The following LRP1B variants were observed in gnomAD, a reference collection of about 807,000 sequenced individuals.
The protein encoded by LRP1B is low-density lipoprotein receptor-related protein 1B.
A neutral mutation model predicts 556.6 loss-of-function variants in LRP1B; 217 were observed. The observed-to-expected ratio is 0.39, with a 90% CI of 0.35 to 0.44. The LOEUF (loss-of-function observed/expected upper bound fraction) is 0.44. LRP1B is among the 20% of genes least tolerant of loss of function. The pLI, the probability that LRP1B is intolerant of heterozygous loss-of-function variation, is 1.00. For missense variants in LRP1B, 5,053 were observed against 5,620.8 expected (o/e 0.90, Z 3.23); for synonymous variants, 2,047 against 1,865.8 (o/e 1.10, Z -2.50).
chr2:140,919,666 C>T (rs894947744), intron 21 of LRP1B, among the ~76,000 whole-genome samples: 9 of 152,166 alleles, frequency 5.9e-5, no homozygotes, highest in South Asian at 2.1e-4. Flanking sequence ...GCTCAGCACA[C>T]CACTTGATAC....
chr2:140,863,492 A>G (rs1692859382), intron 27 of LRP1B, among the ~76,000 whole-genome samples: 1 of 152,162 alleles, frequency 6.6e-6, no homozygotes, highest in Admixed American at 6.6e-5. Flanking sequence ...ACTTATGTTT[A>G]ACATCATTGG....
intron 2 of LRP1B, among the ~76,000 whole-genome samples, chr2:141,715,478 A>G (rs935304696): frequency 1.6e-4 from 25 of 152,098 alleles, no homozygotes; most frequent in African/African-American, 5.5e-4. Flanking sequence ...CTCAAAATAA[A>G]TATATTAATA....
At chr2:141,220,189 C>T (rs1682978376) in intron 6 of LRP1B, among the ~76,000 whole-genome samples, 1 of 152,110 alleles carries the variant, frequency 6.6e-6, no homozygotes, top group Admixed American at 6.5e-5. Flanking sequence ...TAAAACATTA[C>T]AGGAGATGTT....
intron 77 of LRP1B, among the ~76,000 whole-genome samples, 157 bp from the exon 78 acceptor site, chr2:140,335,995 C>A (rs1047419513): frequency 2.6e-5 from 4 of 151,992 alleles, no homozygotes; most frequent in African/African-American, 9.7e-5. Context: ...TATTTTCAAT[C>A]TTTGCAGATG....
chr2:141,544,076 T>C (rs1343319675), intron 2 of LRP1B, among the ~76,000 whole-genome samples: 1 of 152,150 alleles, frequency 6.6e-6, no homozygotes, highest in Admixed American at 6.5e-5. Context: ...TGTTAATTTT[T>C]TCGTGGTCTT....
chr2:141,058,737 T>G (rs899890317), intron 9 of LRP1B, 146 bp downstream of exon 9: 1 of 504,184 alleles, frequency 2.0e-6, no homozygotes. Context: ...GGGAGCTCTA[T>G]TCCATTTAAC....
At chr2:141,475,614 C>A (rs1682673035) in intron 3 of LRP1B, among the ~76,000 whole-genome samples, 1 of 151,996 alleles carries the variant, frequency 6.6e-6, no homozygotes, top group East Asian at 1.9e-4. Context: ...CCTGCCACAC[C>A]CCCCTATCCT....
chr2:141,669,907 A>T (rs1690598439), intron 2 of LRP1B, among the ~76,000 whole-genome samples: 2 of 151,896 alleles, frequency 1.3e-5, no homozygotes, highest in Non-Finnish European at 2.9e-5. Context: ...GGCACGTGCC[A>T]CCATGCCTGG....
At chr2:141,534,018 T>TAC (rs1684982347) in intron 2 of LRP1B, among the ~76,000 whole-genome samples, 1 of 150,074 alleles carries the variant, frequency 6.7e-6, no homozygotes, top group African/African-American at 2.4e-5. Flanking sequence ...CTCTCTCTCA[T>TAC]ACACACACGA....
rs149563521 is a variant in LRP1B at position 140,443,646 on chromosome 2, G to A, written c.10294+684C>T. ...GCTCCATTAGTCACATAATCTGCAT[G>A]TGTGAGCATGCGTGCAAGCATGTGC... On this transcript the variant is annotated intron_variant, in intron 65 of 90. Coordinates refer to ENST00000389484, the MANE Select transcript of LRP1B (RefSeq NM_018557.3). Among the ~76,000 whole-genome samples the A allele has an allele frequency of 2.6e-4, 40 of 152,324 alleles. 1 individual carries two copies. The highest frequency in any genetic ancestry group is 6.8e-3 in the Middle Eastern group (2 of 294).
chr2:141,284,246 G>GGAATAAAA (rs1685619912), intron 3 of LRP1B, among the ~76,000 whole-genome samples: 2 of 150,418 alleles, frequency 1.3e-5, no homozygotes, highest in African/African-American at 5.0e-5. Flanking sequence ...AAAGAATAAA[G>GGAATAAAA]GAATAAAGGA....
In LRP1B at chr2:141,824,276, C is replaced by G. The variant is rs182563546; in HGVS notation, c.83-13875G>C. Among the ~76,000 whole-genome samples, 250 of 152,224 alleles carry G rather than the reference C, an allele frequency of 1.6e-3. 2 individuals are homozygous for G. The highest frequency in any genetic ancestry group is 3.4e-3 in the Middle Eastern group (1 of 294). ...TTTGCATCTAACAAATCAGGTAAAA[C>G]TGTTTAGAGAGTTAAATGACTTTTT... On this transcript the variant is annotated intron_variant, in intron 1 of 90. Coordinates refer to ENST00000389484, the MANE Select transcript of LRP1B (RefSeq NM_018557.3).
intron 2 of LRP1B, among the ~76,000 whole-genome samples, chr2:141,579,137 T>C (rs1473024213): frequency 1.3e-5 from 2 of 152,200 alleles, no homozygotes; most frequent in Non-Finnish European, 2.9e-5. Context: ...TGCCAATTTA[T>C]TTACTCTTCT....
At chr2:141,500,310 A>C (rs928512024) in intron 2 of LRP1B, among the ~76,000 whole-genome samples, 2 of 152,132 alleles carry the variant, frequency 1.3e-5, no homozygotes, top group Non-Finnish European at 2.9e-5. Flanking sequence ...AATGATATGT[A>C]AGCTCTCAAA....
intron 41 of LRP1B, among the ~76,000 whole-genome samples, chr2:140,626,812 C>T (rs1683680633): frequency 6.6e-6 from 1 of 151,286 alleles, no homozygotes; most frequent in Non-Finnish European, 1.5e-5. Flanking sequence ...AAAGATCTCC[C>T]ACAAGTCAAT....
intron 1 of LRP1B, among the ~76,000 whole-genome samples, chr2:142,041,037 G>A (rs776887685): frequency 2.6e-5 from 4 of 151,326 alleles, no homozygotes; most frequent in Non-Finnish European, 5.9e-5. Flanking sequence ...TCAGCAATTC[G>A]ATTATCACTT....
At chr2:141,332,475 A>G (rs1687689429) in intron 3 of LRP1B, among the ~76,000 whole-genome samples, 2 of 150,718 alleles carry the variant, frequency 1.3e-5, no homozygotes, top group South Asian at 4.2e-4. Flanking sequence ...TGAATTTTAT[A>G]TGCATCATCT....
At chr2:140,472,641 A>C (rs1687817861) in intron 60 of LRP1B, among the ~76,000 whole-genome samples, 1 of 152,062 alleles carries the variant, frequency 6.6e-6, no homozygotes, top group African/African-American at 2.4e-5. Context: ...CTGAACTTTA[A>C]GTCACAGAAT....
chr2:141,350,310 A>C (rs1211430650), intron 3 of LRP1B, among the ~76,000 whole-genome samples: 44 of 152,182 alleles, frequency 2.9e-4, no homozygotes, highest in African/African-American at 9.9e-4. Context: ...GGGTTACCAA[A>C]ATGAAGAAAT....
Sources: allele counts gnomAD v4.1 joint callset (sites outside exome capture counted in the v4.1 genomes callset), GRCh38; gene constraint gnomAD v4.1.1; transcripts MANE v1.5; gene names NCBI Gene and HGNC (gene_info 2026-07-23, HGNC 2026-07-21).